Variants in ARHGEF10L observed in about 807,000 individuals in gnomAD.
The protein encoded by ARHGEF10L is Rho guanine nucleotide exchange factor 10 like.
Under a neutral mutation model 141.2 loss-of-function variants are expected in ARHGEF10L, and 69 were observed. The observed-to-expected ratio is 0.49, with a 90% CI of 0.40 to 0.60. The LOEUF is 0.60. ARHGEF10L is among the 20% of genes least tolerant of loss of function. The probability of loss-of-function intolerance (pLI) is 0.00; values close to 1 mark genes in which losing one functional copy is unlikely to be tolerated. For missense variants in ARHGEF10L, 1,482 were observed against 1,734.3 expected, an observed-to-expected ratio of 0.85 and a Z score of 2.58; for synonymous variants, 711 against 718.5, an observed-to-expected ratio of 0.99 and a Z score of 0.17.
chr1:17,679,721 G>A (rs932380633), intron 26 of ARHGEF10L, among the ~76,000 whole-genome samples: 2 of 152,046 alleles, frequency 1.3e-5, no homozygotes, highest in Admixed American at 6.5e-5. Flanking sequence ...ACGTGACCCC[G>A]GGTCTGAATT....
At chr1:17,682,621 CTCT>C (rs2064212497) in intron 26 of ARHGEF10L, among the ~76,000 whole-genome samples, 1 of 152,148 alleles carries the variant, frequency 6.6e-6, no homozygotes, top group South Asian at 2.1e-4. Flanking sequence ...CAGACGGCTG[CTCT>C]AGTGTATAAA....
chr1:17,546,486 C>T (rs941420397), intron 1 of ARHGEF10L, among the ~76,000 whole-genome samples: 2 of 152,110 alleles, frequency 1.3e-5, no homozygotes, highest in African/African-American at 4.8e-5. Context: ...CCGATCTTAT[C>T]GATGAGGAAA....
At chr1:17,557,595 C>T (rs1017251473) in intron 1 of ARHGEF10L, among the ~76,000 whole-genome samples, 4 of 152,162 alleles carry the variant, frequency 2.6e-5, no homozygotes, top group Admixed American at 6.5e-5. Flanking sequence ...CAGCAGATCT[C>T]GGCTGGGACC....
At chr1:17,660,739 C>G (rs943072594) in intron 25 of ARHGEF10L, among the ~76,000 whole-genome samples, 3 of 152,324 alleles carry the variant, frequency 2.0e-5, no homozygotes, top group Admixed American at 2.0e-4. Context: ...GCGCTGGCCA[C>G]AAGAGCTGGT....
chr1:17,619,951 G>T lies in ARHGEF10L; in HGVS notation c.942+506G>T, dbSNP rs1430235456. Among the ~76,000 whole-genome samples the T allele has an allele frequency of 6.6e-6, 1 of 152,126 alleles. No individual in the cohort carries two copies. The highest frequency in any genetic ancestry group is 1.5e-5 in the Non-Finnish European group (1 of 68,022). ...TGCCTGTAACCCCAGCACTTTGGGAGGGTGAAGCCGGTGGGTCAGCTGAGG... is the reference window on the plus strand; with the variant it reads ...TGCCTGTAACCCCAGCACTTTGGGATGGTGAAGCCGGTGGGTCAGCTGAGG... On this transcript the variant is annotated intron_variant, in intron 10 of 28. Coordinates refer to ENST00000361221, the MANE Select transcript of ARHGEF10L (RefSeq NM_018125.4). This position sits in a 1 kb window ranked among gnomAD's most constrained non-coding sequence, Gnocchi z 5.0.
the ARHGEF10L span, among the ~76,000 whole-genome samples, chr1:17,534,527 C>A: frequency 6.6e-6 from 1 of 151,678 alleles, no homozygotes; most frequent in Non-Finnish European, 1.5e-5. Flanking sequence ...TCCCAAAGTG[C>A]TGGGATTACA....
rs1350179094 is a variant in ARHGEF10L, at chr1:17,674,013, G to A, written c.3009+9418G>A. 2.6e-5 allele frequency among the ~76,000 whole-genome samples: 4 copies of A among 152,282 alleles called. No homozygotes were observed. The East Asian group carries it at 7.7e-4, about 29-fold the overall frequency. ...CCGTCCTCTGCCCCATCAGCCCCGT[G>A]TTCCATTGGGTCTTGTGGGTGCGTA... On this transcript the variant is annotated intron_variant, in intron 26 of 28. Coordinates refer to ENST00000361221, the MANE Select transcript of ARHGEF10L (RefSeq NM_018125.4).
At position 17,607,995 on chromosome 1, in the gene ARHGEF10L, G is replaced by A. The variant is rs1354420526; in HGVS notation, c.609+18G>A. The stretch of plus-strand genomic sequence containing the variant: ...AGCCCAAGGTGAGGGGACCGGGGGT[G>A]TCGCTCACCTCAGTCAGGGCACGGA... On this transcript the variant is annotated intron_variant, in intron 7 of 28. Transcript: ENST00000361221. The surrounding 1 kb of genome is among the most constrained non-coding windows in gnomAD (Gnocchi z 4.5). 1 of 1,406,230 alleles carries A rather than the reference G, an allele frequency of 7.1e-7. No individual in the cohort carries two copies. Among genetic ancestry groups the A allele is most frequent in the Non-Finnish European group, 9.3e-7 (1 of 1,075,546 alleles). The allele number at this position is 1,406,230 out of a possible 1,614,324, so 87.1% of individuals were successfully genotyped here.
At chr1:17,626,716 A>G (rs531130161) in intron 14 of ARHGEF10L, among the ~76,000 whole-genome samples, 2 of 152,288 alleles carry the variant, frequency 1.3e-5, no homozygotes, top group Admixed American at 1.3e-4. Context: ...CCATCCCAGA[A>G]CTTTCTCATC....
At chr1:17,665,179 C>T (rs1177274402) in intron 26 of ARHGEF10L, among the ~76,000 whole-genome samples, 2 of 152,224 alleles carry the variant, frequency 1.3e-5, no homozygotes, top group Non-Finnish European at 2.9e-5. Context: ...CAGCATGGTT[C>T]CCCAAGAGGT....
intron 15 of ARHGEF10L, among the ~76,000 whole-genome samples, chr1:17,631,930 A>G (rs1273328693): frequency 1.3e-5 from 2 of 152,196 alleles, no homozygotes; most frequent in African/African-American, 2.4e-5. Flanking sequence ...GACCTGCCCA[A>G]GGGCTTCACA....
At position 17,655,965 on chromosome 1, in the gene ARHGEF10L, A is replaced by G. The variant is rs746598860; in HGVS notation, c.2568A>G (p.Pro856=). 6.4e-7 allele frequency: 1 copy of G among 1,564,182 alleles called. No homozygotes were observed. The highest frequency in any genetic ancestry group is 8.7e-7 in the Non-Finnish European group (1 of 1,153,512). ...RPSPRTVKSF[P]LAAPVLCMEY... is the part of the protein sequence containing the mutation. ...CGCCCCGCACCGTCAAGTCCTTCCC[A>G]CTGGCAGCCCCTGTGCTCTGCATGG... The change falls in exon 24 of 29, where the codon CCA becomes CCG. Residue 856 remains proline (P), a synonymous_variant. Coordinates refer to ENST00000361221, the MANE Select transcript of ARHGEF10L (RefSeq NM_018125.4).
rs2062092894 is a variant in ARHGEF10L at position 17,654,167 on chromosome 1, T to C, written c.2395-469T>C. 6.6e-6 allele frequency among the ~76,000 whole-genome samples: 1 copy of C among 152,156 alleles called. No homozygotes were observed. Among genetic ancestry groups the C allele is most frequent in the Admixed American group, 6.5e-5 (1 of 15,278 alleles). ...CCAACATGGGGTCTGTGGCAGCTGA[T>C]TCAGGGGGGAGCAGGCGGAAGGTGG... On this transcript the variant is annotated intron_variant, in intron 22 of 28. Transcript: ENST00000361221. The surrounding 1 kb of genome is among the most constrained non-coding windows in gnomAD (Gnocchi z 4.3).
intron 2 of ARHGEF10L, among the ~76,000 whole-genome samples, chr1:17,581,309 C>CAAAAAAAAAAAAAAAAAAAAAAAAA (rs71014975): frequency 1.4e-5 from 1 of 69,292 alleles, no homozygotes; most frequent in Non-Finnish European, 2.5e-5. Flanking sequence ...AAGACTGTCT[C>CAAAAAAAAAAAAAAAAAAAAAAAAA]AAAAAAAAAA....
Position 17,656,504 on chromosome 1 carries a change from G to C in ARHGEF10L, c.2706-50G>C. 1 of 1,576,674 alleles carries C rather than the reference G, an allele frequency of 6.3e-7. No homozygotes were observed. The highest frequency in any genetic ancestry group is 8.6e-7 in the Non-Finnish European group (1 of 1,156,126). On this transcript the variant is annotated intron_variant, in intron 24 of 28. Coordinates refer to ENST00000361221, the MANE Select transcript of ARHGEF10L (RefSeq NM_018125.4). This position sits in a 1 kb window ranked among gnomAD's most constrained non-coding sequence, Gnocchi z 4.9. ...TAGGAGGGCATGGGGGCAGTGAGTG[G>C]GTGGGAGTGCTCAGTGTGTCATGAC...
chr1:17,516,385 A>T, the ARHGEF10L span, among the ~76,000 whole-genome samples: 1 of 152,216 alleles, frequency 6.6e-6, no homozygotes, highest in African/African-American at 2.4e-5. Flanking sequence ...GGGCAAGAGT[A>T]GAGAAGATCC....
chr1:17,667,852 C>T (rs976299694), intron 26 of ARHGEF10L, among the ~76,000 whole-genome samples: 1 of 152,126 alleles, frequency 6.6e-6, no homozygotes, highest in African/African-American at 2.4e-5. Context: ...ACTGGGGAGG[C>T]GTCATTGAAG....
intron 18 of ARHGEF10L, among the ~76,000 whole-genome samples, chr1:17,637,137 A>G (rs1389465855): frequency 6.6e-6 from 1 of 152,210 alleles, no homozygotes; most frequent in Non-Finnish European, 1.5e-5. Context: ...GCTCCGGAAG[A>G]ATGAGGACCC....
chr1:17,544,603 A>G (rs1173713524), intron 1 of ARHGEF10L, among the ~76,000 whole-genome samples: 1 of 152,136 alleles, frequency 6.6e-6, no homozygotes, highest in Non-Finnish European at 1.5e-5. Flanking sequence ...CCTGTAAATT[A>G]TATTTTATAA....
Sources: gnomAD v4.1 joint callset for allele counts (sites outside exome capture counted in the v4.1 genomes callset) on GRCh38, gnomAD v4.1.1 for gene constraint, Gnocchi (gnomAD v3.1) non-coding constraint, MANE v1.5 for transcripts, NCBI Gene and HGNC (gene_info 2026-07-23, HGNC 2026-07-21) for gene names.